The following SBNO2 variants were observed in gnomAD, a reference collection of about 807,000 sequenced individuals.
SBNO2 encodes strawberry notch homolog 2.
A neutral mutation model predicts 146.3 loss-of-function variants in SBNO2; 89 were observed. That is an observed-to-expected ratio of 0.61 (90% CI 0.51 to 0.73). SBNO2 has a LOEUF of 0.73. Ranked by LOEUF, SBNO2 falls within the 30% of genes least tolerant of loss-of-function variation. The pLI is 0.00. For synonymous variants in SBNO2, 1,147 were observed against 892.6 expected (o/e 1.29, Z -5.08); for missense variants, 2,092 against 2,003.7 (o/e 1.04, Z -0.84).
At chr19:1,145,020 C>T (rs2080175864) in intron 4 of SBNO2, among the ~76,000 whole-genome samples, 1 of 146,302 alleles carries the variant, frequency 6.8e-6, no homozygotes, top group African/African-American at 2.5e-5. Flanking sequence ...GAGACAGAGA[C>T]AGAGGCAGAG....
In SBNO2 at chr19:1,112,236, C is replaced by T. The variant is rs1208105498; in HGVS notation, c.2581G>A (p.Gly861Arg). 2 of 1,591,054 alleles carry T rather than the reference C, an allele frequency of 1.3e-6. No individual in the cohort carries two copies. The highest frequency in any genetic ancestry group is 1.7e-6 in the Non-Finnish European group (2 of 1,169,290). Residue 861 changes from glycine (G) to arginine (R), a missense_variant, in exon 22 of 32, where the codon GGG (glycine) becomes AGG (arginine). Physicochemically the swap from Gly to Arg is moderately radical, Grantham distance 125. Transcript: ENST00000361757. The surrounding 1 kb of genome is among the most constrained non-coding windows in gnomAD (Gnocchi z 5.9). ...ACGATGGAGGCGAACCGGCGCTCCC[C>T]GGCCAGCTCCGAGATGAGGAAGACA... ...EYVFLISELAGERRFASIVAK... is the reference protein window; with the variant it reads ...EYVFLISELARERRFASIVAK...
chr19:1,125,821 C>A (rs961503925), intron 5 of SBNO2, among the ~76,000 whole-genome samples: 1 of 151,898 alleles, frequency 6.6e-6, no homozygotes, highest in Non-Finnish European at 1.5e-5. Flanking sequence ...TGATAAAATC[C>A]TATCTCTACA....
chr19:1,167,041 G>A (rs2080432646), intron 1 of SBNO2, among the ~76,000 whole-genome samples: 1 of 152,272 alleles, frequency 6.6e-6, no homozygotes, highest in African/African-American at 2.4e-5. Context: ...TCCGAGCCCT[G>A]AGGGCATCAG....
At position 1,111,103 on chromosome 19, in the gene SBNO2, G is replaced by C. The variant is rs772546100; in HGVS notation, c.2810-10C>G. On this transcript the variant is annotated splice_polypyrimidine_tract_variant and intron_variant, in intron 24 of 31. Coordinates refer to ENST00000361757, the MANE Select transcript of SBNO2 (RefSeq NM_014963.3). ...AGGCCCTGCTTCATGTCTGCGGGGAGAGGGGCCTCACATGCTGGTCTTCCC... is the reference window on the plus strand; with the variant it reads ...AGGCCCTGCTTCATGTCTGCGGGGACAGGGGCCTCACATGCTGGTCTTCCC... The C allele has an allele frequency of 1.9e-6, 3 of 1,544,906 alleles. No individual in the cohort carries two copies. The highest frequency in any genetic ancestry group is 2.6e-6 in the Non-Finnish European group (3 of 1,147,108).
chr19:1,125,523 A>G lies in SBNO2; in HGVS notation c.442-1501T>C, dbSNP rs551854971. Reference sequence around the variant, plus strand: ...CCATCTCTACTAAAAATACAAAATTAGCCAGGCACGATGGTACATGCCTGT... The same window carrying G: ...CCATCTCTACTAAAAATACAAAATTGGCCAGGCACGATGGTACATGCCTGT... On this transcript the variant is annotated intron_variant, in intron 5 of 31. Transcript: ENST00000361757. Among the ~76,000 whole-genome samples the G allele has an allele frequency of 2.6e-5, 4 of 152,190 alleles. No homozygotes were observed. The South Asian group carries it at 6.2e-4, about 24-fold the overall frequency.
At chr19:1,170,288 A>G (rs1003980486) in intron 1 of SBNO2, among the ~76,000 whole-genome samples, 1 of 152,060 alleles carries the variant, frequency 6.6e-6, no homozygotes, top group Non-Finnish European at 1.5e-5. Flanking sequence ...GGGCCCTGTG[A>G]CGGGTGACCA....
chr19:1,109,897 G>T lies in SBNO2; in HGVS notation c.3029-120C>A. 1 of 729,490 alleles carries T rather than the reference G, an allele frequency of 1.4e-6. No individual in the cohort carries two copies. Among genetic ancestry groups the T allele is most frequent in the Non-Finnish European group, 2.2e-6 (1 of 448,740 alleles). 45.2% of individuals were successfully genotyped at this position (729,490 alleles called of 1,614,324 possible). A position where few individuals can be genotyped will look rare whatever the true frequency, so the allele number is the denominator to read the frequency against. ...ACCCCCCGAGAGCACAGGAGAGGGT[G>T]TCCTGGATCCTGGCCTGACCTGGCC... On this transcript the variant is annotated intron_variant, in intron 26 of 31. Transcript: ENST00000361757. The surrounding 1 kb of genome is among the most constrained non-coding windows in gnomAD (Gnocchi z 4.2).
At position 1,112,165 on chromosome 19, in the gene SBNO2, T is replaced by C; in HGVS notation, c.2628+24A>G. The stretch of plus-strand genomic sequence containing the variant: ...GCCTTCCTGGGCCTGTCCCTGGTTC[T>C]CAGCCCCACCCCCACCTGCTCACCA... On this transcript the variant is annotated intron_variant, in intron 22 of 31. Coordinates refer to ENST00000361757, the MANE Select transcript of SBNO2 (RefSeq NM_014963.3). The surrounding 1 kb of genome is among the most constrained non-coding windows in gnomAD (Gnocchi z 5.9). 1 of 1,585,492 alleles carries C rather than the reference T, an allele frequency of 6.3e-7. No individual in the cohort carries two copies. Among genetic ancestry groups the C allele is most frequent in the Non-Finnish European group, 8.6e-7 (1 of 1,165,552 alleles).
intron 1 of SBNO2, among the ~76,000 whole-genome samples, chr19:1,162,692 C>CA (rs1228969648): frequency 6.6e-6 from 1 of 152,196 alleles, no homozygotes; most frequent in Non-Finnish European, 1.5e-5. Context: ...TCCTGACCTT[C>CA]AACCCCATCT....
chr19:1,149,911 G>C (rs2080227050), intron 2 of SBNO2, among the ~76,000 whole-genome samples: 1 of 152,196 alleles, frequency 6.6e-6, no homozygotes, highest in African/African-American at 2.4e-5. Context: ...CCTGGGGCAG[G>C]CGAGGGCCTC....
At chr19:1,122,597 C>CA in intron 9 of SBNO2, 39 bp from the exon 10 acceptor site, 1 of 1,409,494 alleles carries the variant, frequency 7.1e-7, no homozygotes, top group Non-Finnish European at 9.5e-7. Flanking sequence ...ACCCTTCCCC[C>CA]TCGCCCCCCG....
At position 1,122,458 on chromosome 19, in the gene SBNO2, C is replaced by T. The variant is rs574677830; in HGVS notation, c.1005+10G>A. The T allele has an allele frequency of 8.9e-6, 14 of 1,567,272 alleles. No homozygotes were observed. The highest frequency in any genetic ancestry group is 1.1e-5 in the Non-Finnish European group (13 of 1,158,160). On this transcript the variant is annotated intron_variant, in intron 10 of 31. Transcript: ENST00000361757. ...ACCTTGCCCCCTACTTTGCCGAGCACAGCCCCTACCTTGCTGAGCGCGTGC... is the reference window on the plus strand; with the variant it reads ...ACCTTGCCCCCTACTTTGCCGAGCATAGCCCCTACCTTGCTGAGCGCGTGC...
rs1016522303 is a variant in SBNO2 at position 1,144,297 on chromosome 19, G to C, written c.279+3012C>G. Among the ~76,000 whole-genome samples, 1 of 152,218 alleles carries C rather than the reference G, an allele frequency of 6.6e-6. No individual in the cohort carries two copies. On this transcript the variant is annotated intron_variant, in intron 4 of 31. Coordinates refer to ENST00000361757, the MANE Select transcript of SBNO2 (RefSeq NM_014963.3). This position sits in a 1 kb window ranked among gnomAD's most constrained non-coding sequence, Gnocchi z 4.1. ...GCGGCCCGGCCCACACTTGGCACCGGGGTCAGACTTCCTCCAAATGAAGTT... is the reference window on the plus strand; with the variant it reads ...GCGGCCCGGCCCACACTTGGCACCGCGGTCAGACTTCCTCCAAATGAAGTT...
intron 2 of SBNO2, 28 bp from the exon 3 acceptor site, chr19:1,149,470 T>C: frequency 6.5e-7 from 1 of 1,546,412 alleles, no homozygotes; most frequent in Non-Finnish European, 8.7e-7. Context: ...CATCAGTGAG[T>C]GGGAAGCAGA....
rs1402713989 is a variant in SBNO2 at position 1,173,553 on chromosome 19, G to A, written c.-127+619C>T. On this transcript the variant is annotated intron_variant, in intron 1 of 31. Transcript: ENST00000361757. The surrounding 1 kb of genome is among the most constrained non-coding windows in gnomAD (Gnocchi z 4.7). ...AGACAGGGCTGCGCTGCGGGGCCGA[G>A]AAGGCAAGGGTCCTGGGACCGGGGA... Among the ~76,000 whole-genome samples the A allele has an allele frequency of 1.3e-5, 2 of 152,252 alleles. No homozygotes were observed. Among genetic ancestry groups the A allele is most frequent in the East Asian group, 3.9e-4 (2 of 5,142 alleles).
intron 4 of SBNO2, among the ~76,000 whole-genome samples, chr19:1,133,758 A>G (rs2080058349): frequency 6.6e-6 from 1 of 152,162 alleles, no homozygotes; most frequent in African/African-American, 2.4e-5. Flanking sequence ...CGCTCAACCC[A>G]GTAGCCAATC....
At chr19:1,151,314 G>C (rs947262390) in intron 2 of SBNO2, among the ~76,000 whole-genome samples, 12 of 152,220 alleles carry the variant, frequency 7.9e-5, no homozygotes, top group Non-Finnish European at 1.6e-4. Context: ...GGGGGGCTTG[G>C]GGTCGCAGGG....
intron 14 of SBNO2, among the ~76,000 whole-genome samples, chr19:1,118,490 G>A (rs533788195): frequency 6.6e-6 from 1 of 152,346 alleles, no homozygotes; most frequent in East Asian, 1.9e-4. Flanking sequence ...CCAGCTGTGG[G>A]CCAGGACCTG....
At chr19:1,111,747 TC>T in intron 23 of SBNO2, 133 bp from the exon 24 acceptor site, 1 of 276,302 alleles carries the variant, frequency 3.6e-6, no homozygotes, top group Non-Finnish European at 5.7e-6. Flanking sequence ...AGACCCCACC[TC>T]CCCCAGCTCT....
Sources: allele counts gnomAD v4.1 joint callset (sites outside exome capture counted in the v4.1 genomes callset), GRCh38; gene constraint gnomAD v4.1.1; non-coding constraint Gnocchi (gnomAD v3.1); transcripts MANE v1.5; gene names NCBI Gene and HGNC (gene_info 2026-07-23, HGNC 2026-07-21).